The following PTPRT variants were observed in gnomAD, a reference collection of about 807,000 sequenced individuals.
PTPRT encodes the protein receptor-type tyrosine-protein phosphatase T.
In PTPRT, 56 loss-of-function variants were observed where a neutral mutation model predicts 176.8. The observed-to-expected ratio is 0.32, with a 90% CI of 0.26 to 0.40. The LOEUF (loss-of-function observed/expected upper bound fraction) is 0.40. Ranked by LOEUF, PTPRT falls within the 10% of genes least tolerant of loss-of-function variation. The probability of loss-of-function intolerance (pLI) is 1.00; values close to 1 mark genes in which losing one functional copy is unlikely to be tolerated. For synonymous variants in PTPRT, 783 were observed against 739.0 expected (o/e 1.06, Z -0.96); for missense variants, 1,540 against 1,908.2 (o/e 0.81, Z 3.60).
At chr20:42,992,366 AC>A (rs1265624998) in intron 1 of PTPRT, among the ~76,000 whole-genome samples, 1 of 152,200 alleles carries the variant, frequency 6.6e-6, no homozygotes, top group Non-Finnish European at 1.5e-5. Flanking sequence ...CACCTATTTA[AC>A]TCATCAGTGC....
intron 2 of PTPRT, among the ~76,000 whole-genome samples, chr20:42,842,238 T>C (rs911337450): frequency 6.6e-6 from 1 of 152,164 alleles, no homozygotes; most frequent in Non-Finnish European, 1.5e-5. Flanking sequence ...GTGGCTGCAC[T>C]GCGAACATCC....
chr20:42,610,981 A>G (rs1340885089), intron 7 of PTPRT, among the ~76,000 whole-genome samples: 1 of 152,140 alleles, frequency 6.6e-6, no homozygotes, highest in African/African-American at 2.4e-5. Flanking sequence ...AGGTTTGTCT[A>G]TGTTGCAGCA....
intron 27 of PTPRT, among the ~76,000 whole-genome samples, chr20:42,090,311 G>C (rs1220214071): frequency 6.6e-6 from 1 of 151,334 alleles, no homozygotes; most frequent in Non-Finnish European, 1.5e-5. Context: ...TGCCCGTGTG[G>C]AAATTCTGGA....
chr20:42,055,233 G>A, the PTPRT span, among the ~76,000 whole-genome samples: 1 of 152,130 alleles, frequency 6.6e-6, no homozygotes, highest in Non-Finnish European at 1.5e-5. Flanking sequence ...AAATAAAAAG[G>A]CATTTCTTAA....
At chr20:42,691,647 G>T (rs75069273) in intron 6 of PTPRT, among the ~76,000 whole-genome samples, 1 of 152,108 alleles carries the variant, frequency 6.6e-6, no homozygotes, top group East Asian at 1.9e-4. Context: ...ATTCCCCTAG[G>T]GCTGCCTCTG....
At chr20:42,092,129 A>G (rs1269207854) in intron 27 of PTPRT, among the ~76,000 whole-genome samples, 1 of 152,202 alleles carries the variant, frequency 6.6e-6, no homozygotes, top group East Asian at 1.9e-4. Flanking sequence ...AAATGGGAAG[A>G]AAATGGTTTG....
At chr20:42,104,351 T>A (rs973901093) in intron 25 of PTPRT, among the ~76,000 whole-genome samples, 2 of 152,132 alleles carry the variant, frequency 1.3e-5, no homozygotes, top group African/African-American at 4.8e-5. Context: ...TGCTTCTACT[T>A]TCCACCACGT....
At chr20:42,614,479 T>A (rs1186817738) in intron 7 of PTPRT, among the ~76,000 whole-genome samples, 7 of 152,142 alleles carry the variant, frequency 4.6e-5, no homozygotes. Context: ...TGGAGAAAAC[T>A]GTACAATCTC....
At chr20:42,145,362 T>C (rs1988814579) in intron 17 of PTPRT, among the ~76,000 whole-genome samples, 1 of 152,074 alleles carries the variant, frequency 6.6e-6, no homozygotes, top group Admixed American at 6.5e-5. Context: ...TAGCTGGGCG[T>C]GGTGACACAT....
chr20:42,757,052 TAAAAAAAAAAAAA>T (rs554308907), intron 5 of PTPRT, among the ~76,000 whole-genome samples: 2 of 118,612 alleles, frequency 1.7e-5, no homozygotes, highest in Admixed American at 1.8e-4. Flanking sequence ...CCTGCCTCTT[TAAAAAAAAAAAAA>T]AAAAAAAAAA....
chr20:42,436,129 A>G (rs1322978800), intron 9 of PTPRT, among the ~76,000 whole-genome samples: 1 of 152,214 alleles, frequency 6.6e-6, no homozygotes, highest in Non-Finnish European at 1.5e-5. Flanking sequence ...AAATTTCAGG[A>G]GCAAAACTAT....
chr20:43,181,279 T>C (rs954344447), intron 1 of PTPRT, among the ~76,000 whole-genome samples: 4 of 152,222 alleles, frequency 2.6e-5, no homozygotes, highest in African/African-American at 9.6e-5. Flanking sequence ...CACAGATTCC[T>C]GAGCCAAAGA....
chr20:43,107,777 C>G (rs1229948480), intron 1 of PTPRT, among the ~76,000 whole-genome samples: 2 of 152,146 alleles, frequency 1.3e-5, no homozygotes. Flanking sequence ...CGTAACATAG[C>G]TGTGTGTGTG....
intron 1 of PTPRT, among the ~76,000 whole-genome samples, chr20:43,057,298 G>T (rs1987281825): frequency 1.1e-5 from 1 of 89,418 alleles, no homozygotes; most frequent in Non-Finnish European, 2.3e-5. Context: ...GGAGGGGAGG[G>T]GGGAAGGAAT....
In PTPRT at chr20:42,472,608, G is replaced by A. The variant is rs115051177; in HGVS notation, c.1154-46C>T. On this transcript the variant is annotated intron_variant, in intron 7 of 30. Transcript: ENST00000373187. ...AAACAAGGGTTCTGAAGAGACCATC[G>A]GGAAGCTGGGGTACATGTTCTGCTA... The A allele has an allele frequency of 1.2e-3, 1,876 of 1,573,548 alleles. 23 individuals are homozygous for A. The African/African-American group carries it at 0.022, about 19-fold the overall frequency.
chr20:42,891,803 T>C (rs78815203), intron 1 of PTPRT, among the ~76,000 whole-genome samples: 73 of 152,336 alleles, frequency 4.8e-4, no homozygotes, highest in Non-Finnish European at 9.0e-4. Flanking sequence ...TGTAGGTGTA[T>C]GTGTATATCT....
In PTPRT at chr20:42,644,924, T is replaced by C. The variant is rs116137686; in HGVS notation, c.1153+32942A>G. On this transcript the variant is annotated intron_variant, in intron 7 of 30. Transcript: ENST00000373187. Reference sequence around the variant, plus strand: ...AGTAAAAGCCTTGCCATCACTCCCATTATACAGAGGAAGAAACTGAGACCT... The same window carrying C: ...AGTAAAAGCCTTGCCATCACTCCCACTATACAGAGGAAGAAACTGAGACCT... 4.2e-3 allele frequency among the ~76,000 whole-genome samples: 646 copies of C among 152,266 alleles called. 6 individuals carry two copies. Among genetic ancestry groups the C allele is most frequent in the Middle Eastern group, 0.041 (12 of 294 alleles).
At chr20:42,912,983 C>T (rs1014626791) in intron 1 of PTPRT, among the ~76,000 whole-genome samples, 3 of 152,176 alleles carry the variant, frequency 2.0e-5, no homozygotes, top group Admixed American at 1.3e-4. Context: ...GTTTAAATGC[C>T]TATCCTACCT....
At position 43,102,254 on chromosome 20, in the gene PTPRT, C is replaced by T. The variant is rs367567446; in HGVS notation, c.88+87392G>A. 9.3e-5 allele frequency among the ~76,000 whole-genome samples: 14 copies of T among 150,630 alleles called. 1 individual carries two copies. Among genetic ancestry groups the T allele is most frequent in the African/African-American group, 2.9e-4 (12 of 40,734 alleles). Reference sequence around the variant, plus strand: ...GACCAGCTTTTCACTGGACATCTCTCTCTCTCTCTCTGTCTCTTTCACTCA... The same window carrying T: ...GACCAGCTTTTCACTGGACATCTCTTTCTCTCTCTCTGTCTCTTTCACTCA... On this transcript the variant is annotated intron_variant, in intron 1 of 30. Transcript: ENST00000373187.
Sources: allele counts gnomAD v4.1 joint callset (sites outside exome capture counted in the v4.1 genomes callset), GRCh38; gene constraint gnomAD v4.1.1; transcripts MANE v1.5; gene names NCBI Gene and HGNC (gene_info 2026-07-23, HGNC 2026-07-21).